ANXA6: variants seen among roughly 807,000 people sequenced by gnomAD.
ANXA6 encodes 67 kDa calelectrin.
Under a neutral mutation model 95.4 loss-of-function variants are expected in ANXA6, and 71 were observed. That is an observed-to-expected ratio of 0.74 (90% confidence interval 0.61 to 0.91). The LOEUF (loss-of-function observed/expected upper bound fraction) is 0.91, where lower values mean the gene tolerates loss of function less well. ANXA6 is among the 40% of genes least tolerant of loss of function. The probability of loss-of-function intolerance (pLI) is 0.00; values close to 1 mark genes in which losing one functional copy is unlikely to be tolerated. For synonymous variants in ANXA6, 289 were observed against 315.9 expected (o/e 0.91, Z 0.90); for missense variants, 830 against 876.4 (o/e 0.95, Z 0.67).
chr5:151,112,265 T>C (rs916293849), intron 20 of ANXA6, among the ~76,000 whole-genome samples: 6 of 152,300 alleles, frequency 3.9e-5, no homozygotes, highest in Non-Finnish European at 7.3e-5. Flanking sequence ...AAGTATAGCA[T>C]ATTTTTGTGT....
intron 7 of ANXA6, 89 bp downstream of exon 7, chr5:151,136,167 C>G (rs1765653635): frequency 2.3e-6 from 3 of 1,284,566 alleles, no homozygotes; most frequent in Admixed American, 2.0e-5. Context: ...GGGAAGCTGA[C>G]CAGACCCTGG....
chr5:151,126,699 T>C (rs1765332735), intron 13 of ANXA6, among the ~76,000 whole-genome samples: 3 of 150,440 alleles, frequency 2.0e-5, no homozygotes, highest in Non-Finnish European at 4.5e-5. Flanking sequence ...TGAGACCCCC[T>C]GCAATGCTGC....
chr5:151,111,564 T>A (rs1003890368), intron 20 of ANXA6, among the ~76,000 whole-genome samples: 9 of 152,196 alleles, frequency 5.9e-5, no homozygotes, highest in Non-Finnish European at 1.2e-4. Context: ...CCTTCCACGA[T>A]AGAATACAAG....
chr5:151,139,796 C>T (rs1204918896), intron 3 of ANXA6, among the ~76,000 whole-genome samples: 2 of 152,166 alleles, frequency 1.3e-5, no homozygotes, highest in Non-Finnish European at 2.9e-5. Context: ...AGGGTTCTTT[C>T]CACCACAAGA....
intron 7 of ANXA6, among the ~76,000 whole-genome samples, chr5:151,135,492 A>T (rs966730026): frequency 1.3e-5 from 2 of 152,206 alleles, no homozygotes; most frequent in Admixed American, 1.3e-4. Context: ...GAGGAAACAT[A>T]GTGGTGGCTT....
chr5:151,134,621 T>C (rs950248713), intron 7 of ANXA6, 138 bp from the exon 8 acceptor site: 2 of 823,562 alleles, frequency 2.4e-6, no homozygotes, highest in Non-Finnish European at 4.2e-6. Flanking sequence ...TGCTATTGCA[T>C]GAAGACCACA....
chr5:151,133,693 G>T (rs1179397485), intron 8 of ANXA6, among the ~76,000 whole-genome samples: 1 of 152,206 alleles, frequency 6.6e-6, no homozygotes, highest in Non-Finnish European at 1.5e-5. Flanking sequence ...ACACCATTAT[G>T]TGGTACATGA....
chr5:151,129,392 A>G lies in ANXA6; in HGVS notation c.918+15T>C, dbSNP rs1481923244. On this transcript the variant is annotated intron_variant, in intron 12 of 25. Transcript: ENST00000354546. ...GCTCTTTGCTCCCTTCTCTGCCCCC[A>G]TGAGCTCTGCTGACCTTGATCATGC... The G allele has an allele frequency of 2.5e-6, 4 of 1,612,998 alleles. No homozygotes were observed. Among genetic ancestry groups the G allele is most frequent in the Non-Finnish European group, 2.5e-6 (3 of 1,179,794 alleles).
At chr5:151,104,138 C>T (rs907767611) in intron 24 of ANXA6, among the ~76,000 whole-genome samples, 1 of 152,218 alleles carries the variant, frequency 6.6e-6, no homozygotes, top group Non-Finnish European at 1.5e-5. Flanking sequence ...CCAAGGACTT[C>T]TGGCAACCAC....
chr5:151,110,292 A>G (rs1268527843), intron 21 of ANXA6, among the ~76,000 whole-genome samples: 3 of 152,274 alleles, frequency 2.0e-5, no homozygotes, highest in Non-Finnish European at 4.4e-5. Flanking sequence ...CACACTGCAC[A>G]TTAGTGTTTC....
chr5:151,101,250 G>C lies in ANXA6; in HGVS notation c.*198C>G, dbSNP rs377746514. ...GATCTATGGCTACGGTTTTTCAGCCGCTCAGCCGTGCTGGGCCCTCGATGG... is the reference window on the plus strand; with the variant it reads ...GATCTATGGCTACGGTTTTTCAGCCCCTCAGCCGTGCTGGGCCCTCGATGG... On this transcript the variant is annotated 3_prime_UTR_variant, in exon 26 of 26. Coordinates refer to ENST00000354546, the MANE Select transcript of ANXA6 (RefSeq NM_001155.5). 3 of 627,416 alleles carry C rather than the reference G, an allele frequency of 4.8e-6. No individual in the cohort carries two copies. The highest frequency in any genetic ancestry group is 8.7e-6 in the Non-Finnish European group (3 of 345,986). The allele number at this position is 627,416 out of a possible 1,614,324, so 38.9% of individuals were successfully genotyped here.
chr5:151,128,912 C>T (rs779706721), intron 12 of ANXA6, among the ~76,000 whole-genome samples: 1 of 149,130 alleles, frequency 6.7e-6, no homozygotes, highest in Non-Finnish European at 1.5e-5. Context: ...GGATCTCTTT[C>T]TCTGTCACCC....
chr5:151,120,095 G>A (rs180992343), intron 17 of ANXA6, among the ~76,000 whole-genome samples: 1 of 152,288 alleles, frequency 6.6e-6, no homozygotes, highest in Admixed American at 6.5e-5. Flanking sequence ...GTCCAGGCTG[G>A]TCTGGAACTC....
At chr5:151,106,545 C>T (rs1764699464) in intron 23 of ANXA6, among the ~76,000 whole-genome samples, 1 of 152,184 alleles carries the variant, frequency 6.6e-6, no homozygotes, top group South Asian at 2.1e-4. Context: ...CCTTTGCAAC[C>T]TCATGGCCCT....
At position 151,122,310 on chromosome 5, in the gene ANXA6, A is replaced by G. The variant is rs765736702; in HGVS notation, c.1234-50T>C. 1.8e-5 allele frequency: 19 copies of G among 1,049,982 alleles called. No homozygotes were observed. The African/African-American group carries it at 2.9e-4, about 16-fold the overall frequency. 65.0% of individuals were successfully genotyped at this position (1,049,982 alleles called of 1,614,324 possible). A position where few individuals can be genotyped will look rare whatever the true frequency, so the allele number is the denominator to read the frequency against. The stretch of plus-strand genomic sequence containing the variant: ...TGCCAACATCAGCACTTGCCCACAC[A>G]TGACTCAGGATGGGAGAGATGGAAA... On this transcript the variant is annotated intron_variant, in intron 16 of 25. Transcript: ENST00000354546.
At chr5:151,122,336 G>T in intron 16 of ANXA6, 76 bp from the exon 17 acceptor site, 1 of 788,258 alleles carries the variant, frequency 1.3e-6, no homozygotes. Flanking sequence ...GAGATGGAAA[G>T]AGAAAACAGG....
chr5:151,132,481 G>A lies in ANXA6; in HGVS notation c.731C>T (p.Ala244Val). ...LSGDFEKLML[A>V]VVKCIRSTPE... Reference sequence around the variant, plus strand: ...AATGCAACGTCAGGACATACCTACGGCCAGCATTAGCTTCTCAAAGTCCCC... The same window carrying A: ...AATGCAACGTCAGGACATACCTACGACCAGCATTAGCTTCTCAAAGTCCCC... The change falls in exon 10 of 26, where the codon GCC becomes GTC. Residue 244 changes from alanine to valine, a missense_variant. Transcript: ENST00000354546. 4.3e-6 allele frequency: 7 copies of A among 1,611,272 alleles called. No individual in the cohort carries two copies. The highest frequency in any genetic ancestry group is 5.9e-6 in the Non-Finnish European group (7 of 1,178,746).
At position 151,136,928 on chromosome 5, in the gene ANXA6, G is replaced by A. The variant is rs575943880; in HGVS notation, c.409+303C>T. 2.6e-5 allele frequency among the ~76,000 whole-genome samples: 4 copies of A among 152,252 alleles called. No homozygotes were observed. In the South Asian group the frequency reaches 8.3e-4, roughly 32 times the overall value. The stretch of plus-strand genomic sequence containing the variant: ...TTTGATTCTTGTTACCTTATTTCCT[G>A]TACAACACTTAGCTAAAATCCATCA... On this transcript the variant is annotated intron_variant, in intron 6 of 25. Transcript: ENST00000354546.
Position 151,100,866 on chromosome 5 carries a change from G to A in ANXA6, c.*582C>T. 1 of 456,276 alleles carries A rather than the reference G, an allele frequency of 2.2e-6. No homozygotes were observed. The highest frequency in any genetic ancestry group is 4.4e-6 in the Non-Finnish European group (1 of 226,956). The allele number at this position is 456,276 out of a possible 1,614,324, so 28.3% of individuals were successfully genotyped here. On this transcript the variant is annotated 3_prime_UTR_variant, in exon 26 of 26. Transcript: ENST00000354546. The stretch of plus-strand genomic sequence containing the variant: ...GTAGATAAGAAAATAGAGACTCAGG[G>A]AGGGAAAGGGGCTGGCCTAAGGTCA...
Sources: allele counts gnomAD v4.1 joint callset (sites outside exome capture counted in the v4.1 genomes callset), GRCh38; gene constraint gnomAD v4.1.1; transcripts MANE v1.5; gene names NCBI Gene and HGNC (gene_info 2026-07-23, HGNC 2026-07-21).